Variants in LINGO2 observed in about 807,000 individuals in gnomAD.
LINGO2 encodes leucine-rich repeat and immunoglobulin-like domain-containing nogo receptor-interacting protein 2.
LINGO2 carries 14 observed loss-of-function variants against 30.6 expected under a neutral mutation model. The ratio of observed to expected loss-of-function variants is 0.46; its 90% CI spans 0.30 to 0.72. LINGO2 has a LOEUF of 0.72. Among genes scored for constraint, LINGO2 ranks in the 30% least tolerant of loss-of-function variants. The probability of loss-of-function intolerance (pLI) is 0.07; values close to 1 mark genes in which losing one functional copy is unlikely to be tolerated. For synonymous variants in LINGO2, 317 were observed against 288.5 expected, an observed-to-expected ratio of 1.10 and a Z score of -1.00; for missense variants, 729 against 751.7, an observed-to-expected ratio of 0.97 and a Z score of 0.35.
At chr9:28,547,130 A>G (rs1350427238) in intron 1 of LINGO2, among the ~76,000 whole-genome samples, 2 of 152,054 alleles carry the variant, frequency 1.3e-5, no homozygotes, top group Non-Finnish European at 2.9e-5. Context: ...TCAATATTCC[A>G]CTGCTTTTTG....
intron 3 of LINGO2, among the ~76,000 whole-genome samples, chr9:28,338,612 T>G (rs1825666901): frequency 6.6e-6 from 1 of 152,056 alleles, no homozygotes; most frequent in Non-Finnish European, 1.5e-5. Context: ...GAGGGACCAG[T>G]GGAAGGTAAG....
At chr9:28,785,582 A>G in the LINGO2 span, among the ~76,000 whole-genome samples, 2 of 152,098 alleles carry the variant, frequency 1.3e-5, no homozygotes, top group East Asian at 1.9e-4. Flanking sequence ...TTGCAGCCCT[A>G]GCAACACTGT....
chr9:28,739,681 A>T, the LINGO2 span, among the ~76,000 whole-genome samples: 1 of 151,770 alleles, frequency 6.6e-6, no homozygotes, highest in South Asian at 2.1e-4. Flanking sequence ...ACTATCTCAG[A>T]ACCTTTATCA....
At chr9:29,207,124 CAT>C in the LINGO2 span, among the ~76,000 whole-genome samples, 1 of 151,094 alleles carries the variant, frequency 6.6e-6, no homozygotes, top group South Asian at 2.1e-4. Flanking sequence ...TGTCTATATA[CAT>C]AGACAGAATA....
At chr9:28,161,701 G>GAA (rs1359200320) in intron 4 of LINGO2, among the ~76,000 whole-genome samples, 1 of 152,014 alleles carries the variant, frequency 6.6e-6, no homozygotes, top group Non-Finnish European at 1.5e-5. Flanking sequence ...GTAAGATGCA[G>GAA]AATTCAGTCA....
chr9:29,172,992 G>A, the LINGO2 span, among the ~76,000 whole-genome samples: 2 of 151,906 alleles, frequency 1.3e-5, no homozygotes, highest in Admixed American at 1.3e-4. Flanking sequence ...CTAGTATAAT[G>A]TTATTCTATT....
intron 3 of LINGO2, among the ~76,000 whole-genome samples, chr9:28,302,351 C>T (rs1824180893): frequency 6.6e-6 from 1 of 152,220 alleles, no homozygotes; most frequent in African/African-American, 2.4e-5. Context: ...AGTACCATTT[C>T]CTGATGGGAT....
At chr9:28,900,145 C>G in the LINGO2 span, among the ~76,000 whole-genome samples, 2 of 152,136 alleles carry the variant, frequency 1.3e-5, no homozygotes, top group Admixed American at 1.3e-4. Flanking sequence ...CCCACCATAC[C>G]ATGTACCAGA....
chr9:28,232,098 A>G (rs1479379059), intron 4 of LINGO2, among the ~76,000 whole-genome samples: 1 of 152,052 alleles, frequency 6.6e-6, no homozygotes, highest in Non-Finnish European at 1.5e-5. Context: ...AACTTCCCAT[A>G]TTTAAAAAGC....
At chr9:28,152,270 G>T (rs1440076523) in intron 4 of LINGO2, among the ~76,000 whole-genome samples, 1 of 152,028 alleles carries the variant, frequency 6.6e-6, no homozygotes, top group Non-Finnish European at 1.5e-5. Context: ...TCCTAAGAAA[G>T]CTAGTTGTTA....
the LINGO2 span, among the ~76,000 whole-genome samples, chr9:28,962,727 A>G: frequency 6.6e-6 from 1 of 151,870 alleles, no homozygotes; most frequent in East Asian, 1.9e-4. Context: ...CATCTATTAT[A>G]TATTTATCAT....
At chr9:27,980,115 G>C (rs773660313) in intron 5 of LINGO2, among the ~76,000 whole-genome samples, 2 of 151,884 alleles carry the variant, frequency 1.3e-5, no homozygotes, top group Non-Finnish European at 2.9e-5. Context: ...ATTTTGCCTT[G>C]ATACTGAGAA....
At chr9:28,583,322 C>G (rs1824356474) in intron 1 of LINGO2, among the ~76,000 whole-genome samples, 1 of 151,786 alleles carries the variant, frequency 6.6e-6, no homozygotes, top group South Asian at 2.1e-4. Flanking sequence ...TTTCAAGTGT[C>G]AAAATGAAAT....
At chr9:28,174,098 T>C (rs1452347) in intron 4 of LINGO2, among the ~76,000 whole-genome samples, 150,219 of 152,302 alleles carry the variant, frequency 0.99, 74,102 homozygotes, top group East Asian at 1. Context: ...CAGAACAGAA[T>C]AATGGGAAAA....
At chr9:28,797,522 C>T in the LINGO2 span, among the ~76,000 whole-genome samples, 1 of 150,914 alleles carries the variant, frequency 6.6e-6, no homozygotes, top group Non-Finnish European at 1.5e-5. Flanking sequence ...AGACACTTTG[C>T]CAAAAAGAAG....
chr9:28,944,969 G>A, the LINGO2 span, among the ~76,000 whole-genome samples: 1 of 152,260 alleles, frequency 6.6e-6, no homozygotes, highest in Middle Eastern at 3.4e-3. Flanking sequence ...AACTCATCAG[G>A]TGAAGGTGAA....
chr9:29,050,908 G>T, the LINGO2 span, among the ~76,000 whole-genome samples: 1 of 152,178 alleles, frequency 6.6e-6, no homozygotes, highest in East Asian at 1.9e-4. Flanking sequence ...CAGCCAATTA[G>T]TATAATTAAT....
chr9:28,894,140 C>A, the LINGO2 span, among the ~76,000 whole-genome samples: 1 of 152,056 alleles, frequency 6.6e-6, no homozygotes, highest in African/African-American at 2.4e-5. Context: ...TTTTCTTAAT[C>A]CAGTCTATCA....
At chr9:28,528,495 T>G (rs1323605566) in intron 1 of LINGO2, among the ~76,000 whole-genome samples, 1 of 152,180 alleles carries the variant, frequency 6.6e-6, no homozygotes, top group African/African-American at 2.4e-5. Context: ...GAATCTGAAA[T>G]GGCAGTCAAT....
Sources: gnomAD v4.1 joint callset for allele counts (sites outside exome capture counted in the v4.1 genomes callset) on GRCh38, gnomAD v4.1.1 for gene constraint, MANE v1.5 for transcripts, NCBI Gene and HGNC (gene_info 2026-07-23, HGNC 2026-07-21) for gene names.